Variants in STON1 observed in about 807,000 individuals in gnomAD.
STON1 encodes the protein stonin 1.
STON1 carries 79 observed loss-of-function variants against 60.9 expected under a neutral mutation model. The ratio of observed to expected loss-of-function variants is 1.30; its 90% CI spans 1.08 to 1.56. The LOEUF is 1.56. Ranked by LOEUF, STON1 falls within the 40% of genes most tolerant of loss-of-function variation. The probability of loss-of-function intolerance (pLI) is 0.00; values close to 1 mark genes in which losing one functional copy is unlikely to be tolerated. For synonymous variants in STON1, 363 were observed against 306.9 expected (o/e 1.18, Z -1.91); for missense variants, 1,166 against 858.9 (o/e 1.36, Z -4.47).
chr2:48,564,503 T>TTCTTCTTCTCCTTCTCCTTCTC (rs1558605109), intron 1 of STON1, among the ~76,000 whole-genome samples: 1 of 24,922 alleles, frequency 4.0e-5, no homozygotes, highest in Non-Finnish European at 7.5e-5. Context: ...TTCTTCTTCT[T>TTCTTCTTCTCCTTCTCCTTCTC]CTTCTTCTTC....
chr2:48,536,592 A>G (rs1234351728), intron 1 of STON1, among the ~76,000 whole-genome samples: 2 of 151,166 alleles, frequency 1.3e-5, no homozygotes, highest in Non-Finnish European at 2.9e-5. Context: ...TACCTGCTAT[A>G]TAAGGAAGAA....
intron 1 of STON1, among the ~76,000 whole-genome samples, chr2:48,548,234 T>C (rs931234663): frequency 6.6e-6 from 1 of 152,246 alleles, no homozygotes; most frequent in East Asian, 1.9e-4. Context: ...CGCTCTGACC[T>C]GAGCTGTAAA....
intron 1 of STON1, among the ~76,000 whole-genome samples, chr2:48,575,086 A>T (rs1194800047): frequency 6.6e-6 from 1 of 152,226 alleles, no homozygotes; most frequent in African/African-American, 2.4e-5. Flanking sequence ...ACTACTTTAC[A>T]TACTTCGTAT....
Position 48,582,552 on chromosome 2 carries a change from A to G in STON1, c.1919A>G (p.Asp640Gly), listed in dbSNP as rs768053841. 6.2e-7 allele frequency: 1 copy of G among 1,606,394 alleles called. No homozygotes were observed. The highest frequency in any genetic ancestry group is 1.1e-5 in the South Asian group (1 of 89,538). Residue 640 changes from aspartate to glycine, a missense_variant, in exon 2 of 4, where the codon GAC becomes GGC. Coordinates refer to ENST00000404752, the MANE Select transcript of STON1 (RefSeq NM_006873.4). ...GTATGGAAGATAGATCGGCTTCCAG[A>G]CAAAAATTCAAGTAAATATTCAACA... ...AVVWKIDRLP[D>G]KNSSLDHPHC... is the part of the protein sequence containing the mutation.
intron 1 of STON1, among the ~76,000 whole-genome samples, chr2:48,549,360 G>C (rs1294410234): frequency 6.6e-6 from 1 of 152,184 alleles, no homozygotes; most frequent in East Asian, 1.9e-4. Flanking sequence ...ATGGAGTCCA[G>C]GCCTGGGGTG....
chr2:48,570,116 C>G (rs748605771), intron 1 of STON1, among the ~76,000 whole-genome samples: 4 of 152,208 alleles, frequency 2.6e-5, no homozygotes, highest in Non-Finnish European at 5.9e-5. Context: ...AGACAGATCA[C>G]TTGAGGTCAG....
In STON1 at chr2:48,596,390, A is replaced by G. The variant is rs1317544286; in HGVS notation, c.*1088A>G. ...TATAATAGTTTGGTTTCTAATGAAA[A>G]GTCAATAGCATTAGCAGTTATAATT... On this transcript the variant is annotated 3_prime_UTR_variant, in exon 4 of 4. Coordinates refer to ENST00000404752, the MANE Select transcript of STON1 (RefSeq NM_006873.4). 6.6e-6 allele frequency: 1 copy of G among 152,214 alleles called. No individual in the cohort carries two copies. The highest frequency in any genetic ancestry group is 1.5e-5 in the Non-Finnish European group (1 of 68,028). 9.4% of individuals were successfully genotyped at this position (152,214 alleles called of 1,614,324 possible).
At chr2:48,534,789 G>A (rs1266784281) in intron 1 of STON1, among the ~76,000 whole-genome samples, 1 of 152,124 alleles carries the variant, frequency 6.6e-6, no homozygotes, top group Admixed American at 6.6e-5. Context: ...CTCCTAAGAG[G>A]GGGTGAGGAG....
chr2:48,568,554 T>C (rs572265392), intron 1 of STON1, among the ~76,000 whole-genome samples: 1 of 151,682 alleles, frequency 6.6e-6, no homozygotes, highest in Admixed American at 6.6e-5. Flanking sequence ...ATTTGGAAAA[T>C]TACAGAGAAT....
chr2:48,564,510 C>CT (rs1229826932), intron 1 of STON1, among the ~76,000 whole-genome samples: 4 of 30,394 alleles, frequency 1.3e-4, no homozygotes, highest in Non-Finnish European at 1.9e-4. Context: ...TCTTCTTCTT[C>CT]TTCTTCTTCT....
At chr2:48,544,997 G>A (rs1671812235) in intron 1 of STON1, among the ~76,000 whole-genome samples, 1 of 152,196 alleles carries the variant, frequency 6.6e-6, no homozygotes, top group Non-Finnish European at 1.5e-5. Context: ...TTGAGGCAGA[G>A]CCTTATACAT....
At position 48,595,353 on chromosome 2, in the gene STON1, C is replaced by T. The variant is rs189715750; in HGVS notation, c.*51C>T. On this transcript the variant is annotated 3_prime_UTR_variant, in exon 4 of 4. Coordinates refer to ENST00000404752, the MANE Select transcript of STON1 (RefSeq NM_006873.4). ...CCCACTTGTCAAATATGTAATTCAC[C>T]GAAACCACACCAAGTCCTGCTACTG... The T allele has an allele frequency of 1.4e-5, 21 of 1,490,584 alleles. No homozygotes were observed. Among genetic ancestry groups the T allele is most frequent in the South Asian group, 6.9e-5 (6 of 87,408 alleles). 92.3% of individuals were successfully genotyped at this position (1,490,584 alleles called of 1,614,324 possible).
At chr2:48,564,115 C>G (rs571386606) in intron 1 of STON1, among the ~76,000 whole-genome samples, 1 of 152,298 alleles carries the variant, frequency 6.6e-6, no homozygotes, top group Admixed American at 6.5e-5. Context: ...AAGGATTTCT[C>G]AAAGGCATTT....
rs1249665015 is a variant in STON1, at chr2:48,564,599, C to CCTCCTT, written c.-47-15960_-47-15955dup. On this transcript the variant is annotated intron_variant, in intron 1 of 3. Coordinates refer to ENST00000404752, the MANE Select transcript of STON1 (RefSeq NM_006873.4). ...TCCTTCTCCTCCTCCTCCTCCTCCTCCTCCTTCTCCTTCTCCTTCTCCTTC... is the reference window on the plus strand; with the variant it reads ...TCCTTCTCCTCCTCCTCCTCCTCCTCCTCCTTCTCCTTCTCCTTCTCCTTCTCCTTC... Among the ~76,000 whole-genome samples the CCTCCTT allele has an allele frequency of 1.0e-3, 44 of 43,872 alleles. 10 individuals are homozygous for CCTCCTT. Among genetic ancestry groups the CCTCCTT allele is most frequent in the African/African-American group, 3.2e-3 (41 of 12,732 alleles). 28.8% of individuals were successfully genotyped at this position (43,872 alleles called of 152,430 possible).
In STON1 at chr2:48,582,324, C is replaced by G; in HGVS notation, c.1691C>G (p.Ser564Cys). ...TCATCCTATGCTGGTTCCTTAAGGT[C>G]CTGTGACAATATAAGGATACACTTT... The part of the protein sequence containing the change: ...QRSSYAGSLR[S>C]CDNIRIHFPV... Residue 564 changes from serine to cysteine, a missense_variant, in exon 2 of 4, where the codon TCC becomes TGC. By Grantham distance (112) the Ser-to-Cys change is moderately radical (BLOSUM62 -1). Transcript: ENST00000404752. 6.2e-7 allele frequency: 1 copy of G among 1,614,198 alleles called. No individual in the cohort carries two copies. The highest frequency in any genetic ancestry group is 8.5e-7 in the Non-Finnish European group (1 of 1,180,032).
chr2:48,582,004 C>G lies in STON1; in HGVS notation c.1371C>G (p.Thr457=). 1 of 1,614,084 alleles carries G rather than the reference C, an allele frequency of 6.2e-7. No individual in the cohort carries two copies. Among genetic ancestry groups the G allele is most frequent in the African/African-American group, 1.3e-5 (1 of 75,004 alleles). ...ATGGGAACCTGGAATGCTTTTTAAC[C>G]TTGAATGACCTTGAGTTGCCGAAGC... ...FVNGNLECFL[T]LNDLELPKRD... The change falls in exon 2 of 4, where the codon ACC becomes ACG. Residue 457 remains threonine (T), a synonymous_variant. Coordinates refer to ENST00000404752, the MANE Select transcript of STON1 (RefSeq NM_006873.4).
intron 1 of STON1, among the ~76,000 whole-genome samples, chr2:48,569,992 A>T (rs1049503715): frequency 2.0e-5 from 3 of 152,328 alleles, no homozygotes; most frequent in Middle Eastern, 3.4e-3. Flanking sequence ...TGAAAGATGT[A>T]TTTTTAAACG....
At chr2:48,536,842 A>C (rs915738331) in intron 1 of STON1, among the ~76,000 whole-genome samples, 1 of 152,174 alleles carries the variant, frequency 6.6e-6, no homozygotes, top group African/African-American at 2.4e-5. Context: ...AATGTCTTCT[A>C]CAACTTTTGC....
intron 2 of STON1, among the ~76,000 whole-genome samples, chr2:48,586,517 G>A (rs1297681924): frequency 6.6e-6 from 1 of 152,200 alleles, no homozygotes; most frequent in Non-Finnish European, 1.5e-5. Context: ...ACTAGGGAGG[G>A]CTTCGCTGAA....
Sources: gnomAD v4.1 joint callset for allele counts (sites outside exome capture counted in the v4.1 genomes callset) on GRCh38, gnomAD v4.1.1 for gene constraint, MANE v1.5 for transcripts, NCBI Gene and HGNC (gene_info 2026-07-23, HGNC 2026-07-21) for gene names.